Variants in PCNX2 observed in about 807,000 individuals in gnomAD.
PCNX2 encodes the protein pecanex-like protein 2.
Under a neutral mutation model 223.8 loss-of-function variants are expected in PCNX2, and 168 were observed. The ratio of observed to expected loss-of-function variants is 0.75; its 90% CI spans 0.66 to 0.85. The LOEUF (loss-of-function observed/expected upper bound fraction) is 0.85. Ranked by LOEUF, PCNX2 falls within the 40% of genes least tolerant of loss-of-function variation. PCNX2 has a pLI of 0.00. For missense variants in PCNX2, 2,507 were observed against 2,675.5 expected (o/e 0.94, Z 1.39); for synonymous variants, 1,006 against 1,052.6 (o/e 0.96, Z 0.86).
intron 9 of PCNX2, among the ~76,000 whole-genome samples, chr1:233,235,906 T>C (rs991290633): frequency 6.8e-6 from 1 of 147,310 alleles, no homozygotes; most frequent in African/African-American, 2.5e-5. Flanking sequence ...CCAGCCACGT[T>C]GTATTGTTGA....
In PCNX2 at chr1:233,000,242, C is replaced by G; in HGVS notation, c.5328+63G>C. The G allele has an allele frequency of 6.7e-7, 1 of 1,482,854 alleles. No homozygotes were observed. Among genetic ancestry groups the G allele is most frequent in the Non-Finnish European group, 9.4e-7 (1 of 1,061,718 alleles). The allele number at this position is 1,482,854 out of a possible 1,614,324, so 91.9% of individuals were successfully genotyped here. Reference sequence around the variant, plus strand: ...CAGTGCCCCCCTGCCCACCACCATTCTATTTCTTCTCAGATAGAGAGACAC... The same window carrying G: ...CAGTGCCCCCCTGCCCACCACCATTGTATTTCTTCTCAGATAGAGAGACAC... On this transcript the variant is annotated intron_variant, in intron 30 of 33. Transcript: ENST00000258229. This position sits in a 1 kb window ranked among gnomAD's most constrained non-coding sequence, Gnocchi z 4.6.
At chr1:233,150,030 T>G (rs1046778360) in intron 19 of PCNX2, among the ~76,000 whole-genome samples, 9 of 152,172 alleles carry the variant, frequency 5.9e-5, no homozygotes, top group Non-Finnish European at 1.2e-4. Context: ...TATGTGTTTC[T>G]TTCATTGTAC....
At chr1:233,291,937 A>G in intron 1 of PCNX2, 1 of 985,282 alleles carries the variant, frequency 1.0e-6, no homozygotes, top group Non-Finnish European at 1.2e-6. Context: ...TGTAAAGAAA[A>G]CTGCTCTGAA....
chr1:233,095,246 A>G (rs563065464), intron 22 of PCNX2, among the ~76,000 whole-genome samples: 1 of 152,346 alleles, frequency 6.6e-6, no homozygotes, highest in Non-Finnish European at 1.5e-5. Flanking sequence ...TTCTTGGCTA[A>G]TAGCCACTAA....
intron 4 of PCNX2, 153 bp from the exon 5 acceptor site, chr1:233,259,497 T>C (rs1034975815): frequency 1.2e-4 from 86 of 700,840 alleles, no homozygotes; most frequent in Non-Finnish European, 1.5e-4. Flanking sequence ...GGGTTACATG[T>C]GCAGAACATG....
At chr1:233,043,557 T>G (rs1572040817) in intron 25 of PCNX2, among the ~76,000 whole-genome samples, 1 of 92,284 alleles carries the variant, frequency 1.1e-5, no homozygotes, top group Non-Finnish European at 2.0e-5. Flanking sequence ...CCCTCCTCCC[T>G]CCCCCCACCC....
intron 12 of PCNX2, among the ~76,000 whole-genome samples, chr1:233,209,208 T>C (rs1681683959): frequency 6.6e-6 from 1 of 152,218 alleles, no homozygotes; most frequent in South Asian, 2.1e-4. Context: ...AATGTCTTAG[T>C]GTGCACAGTG....
At chr1:233,053,139 T>C (rs143455563) in intron 25 of PCNX2, among the ~76,000 whole-genome samples, 3 of 152,154 alleles carry the variant, frequency 2.0e-5, no homozygotes, top group African/African-American at 7.2e-5. Context: ...TGGTTCCCCA[T>C]AACATAGAGA....
intron 21 of PCNX2, among the ~76,000 whole-genome samples, chr1:233,109,682 C>T (rs1675000521): frequency 1.3e-5 from 2 of 152,168 alleles, no homozygotes; most frequent in Non-Finnish European, 2.9e-5. Flanking sequence ...GTATCCAAAA[C>T]CTTCAGAGCA....
In PCNX2 at chr1:233,288,876, T is replaced by C. The variant is rs573303612; in HGVS notation, c.153+6450A>G. 1.2e-4 allele frequency: 154 copies of C among 1,297,800 alleles called. 2 individuals are homozygous for C. The South Asian group carries it at 1.7e-3, about 14-fold the overall frequency. The allele number at this position is 1,297,800 out of a possible 1,614,324, so 80.4% of individuals were successfully genotyped here. On this transcript the variant is annotated intron_variant, in intron 1 of 33. Coordinates refer to ENST00000258229, the MANE Select transcript of PCNX2 (RefSeq NM_014801.4). Reference sequence around the variant, plus strand: ...AGTCATTTTTGTTTACAATTGAAACTCTGGGAATTCAAAATTAACATCCTT... The same window carrying C: ...AGTCATTTTTGTTTACAATTGAAACCCTGGGAATTCAAAATTAACATCCTT...
chr1:233,120,973 C>A (rs1381456936), intron 21 of PCNX2, among the ~76,000 whole-genome samples: 15 of 151,844 alleles, frequency 9.9e-5, no homozygotes, highest in Admixed American at 9.8e-4. Flanking sequence ...GTCAGCATAG[C>A]AAGGCTGCCC....
rs114311899 is a variant in PCNX2 at position 233,140,528 on chromosome 1, G to C, written c.3518-673C>G. Among the ~76,000 whole-genome samples the C allele has an allele frequency of 1.5e-3, 227 of 152,218 alleles. 2 individuals carry two copies. The highest frequency in any genetic ancestry group is 5.4e-3 in the African/African-American group (223 of 41,530). On this transcript the variant is annotated intron_variant, in intron 19 of 33. Transcript: ENST00000258229. ...CTTGAATTATTAGCTTCATCTTTTC[G>C]AGCCTTAGTTTTTTGTGTCCTGCCC...
Position 233,079,527 on chromosome 1 carries a change from C to CAA in PCNX2, c.4076+10532_4076+10533dup, listed in dbSNP as rs1160625472. On this transcript the variant is annotated intron_variant, in intron 23 of 33. Transcript: ENST00000258229. ...TGGGCGACAGTGCAACACTCCGTCT[C>CAA]AAAAAAAAAAAAAAAAAAGTAAAAG... 3.0e-3 allele frequency among the ~76,000 whole-genome samples: 210 copies of CAA among 69,354 alleles called. 1 individual carries two copies. In the East Asian group the frequency reaches 0.038, roughly 13 times the overall value. 45.5% of individuals were successfully genotyped at this position (69,354 alleles called of 152,430 possible).
At chr1:233,071,003 T>A (rs1278593956) in intron 23 of PCNX2, among the ~76,000 whole-genome samples, 2 of 152,050 alleles carry the variant, frequency 1.3e-5, no homozygotes, top group Non-Finnish European at 2.9e-5. Flanking sequence ...GCCACTGCAC[T>A]CCAGCCTGGG....
At chr1:233,037,378 G>A (rs559163914) in intron 25 of PCNX2, among the ~76,000 whole-genome samples, 1 of 152,174 alleles carries the variant, frequency 6.6e-6, no homozygotes, top group South Asian at 2.1e-4. Context: ...GTCACCCAAG[G>A]TGGAGTGCAC....
the PCNX2 span, among the ~76,000 whole-genome samples, chr1:233,317,642 G>A: frequency 2.6e-5 from 4 of 151,750 alleles, no homozygotes; most frequent in Admixed American, 2.6e-4. Flanking sequence ...TTGATCTTTG[G>A]TGTAGGAAAA....
chr1:233,101,087 G>A (rs1465229351), intron 21 of PCNX2, among the ~76,000 whole-genome samples: 1 of 152,204 alleles, frequency 6.6e-6, no homozygotes, highest in Non-Finnish European at 1.5e-5. Context: ...GAGCAGACAA[G>A]ATGAGAAGAA....
chr1:233,154,741 C>A (rs1279281577), intron 19 of PCNX2, among the ~76,000 whole-genome samples: 1 of 152,072 alleles, frequency 6.6e-6, no homozygotes, highest in Non-Finnish European at 1.5e-5. Flanking sequence ...GGATATTAGC[C>A]TTTTACTTCT....
At chr1:233,062,922 A>G (rs1321883480) in intron 23 of PCNX2, among the ~76,000 whole-genome samples, 1 of 152,152 alleles carries the variant, frequency 6.6e-6, no homozygotes, top group Non-Finnish European at 1.5e-5. Context: ...GTAACATACT[A>G]AAAGTAACTC....
Sources: gnomAD v4.1 joint callset for allele counts (sites outside exome capture counted in the v4.1 genomes callset) on GRCh38, gnomAD v4.1.1 for gene constraint, Gnocchi (gnomAD v3.1) non-coding constraint, MANE v1.5 for transcripts, NCBI Gene and HGNC (gene_info 2026-07-23, HGNC 2026-07-21) for gene names.